Variants in SLC22A23 observed in about 807,000 individuals in gnomAD.
SLC22A23 encodes solute carrier family 22 member 23.
Under a neutral mutation model 61.0 loss-of-function variants are expected in SLC22A23, and 26 were observed. The observed-to-expected ratio is 0.43, with a 90% CI of 0.31 to 0.59. The LOEUF is 0.59. Ranked by LOEUF, SLC22A23 falls within the 20% of genes least tolerant of loss-of-function variation. The pLI is 0.11. For synonymous variants in SLC22A23, 430 were observed against 413.9 expected (o/e 1.04, Z -0.47); for missense variants, 796 against 934.7 (o/e 0.85, Z 1.94).
At position 3,328,724 on chromosome 6, in the gene SLC22A23, C is replaced by A. The variant is rs935283027; in HGVS notation, c.914-4722G>T. On this transcript the variant is annotated intron_variant, in intron 3 of 9. Coordinates refer to ENST00000406686, the MANE Select transcript of SLC22A23 (RefSeq NM_015482.2). This position sits in a 1 kb window ranked among gnomAD's most constrained non-coding sequence, Gnocchi z 5.0. The stretch of plus-strand genomic sequence containing the variant: ...CCTCCCGCTGGCCCCTCATGGATGT[C>A]AGCCTGGCCACCCCTCACAGTCGTG... 3.3e-5 allele frequency among the ~76,000 whole-genome samples: 5 copies of A among 152,182 alleles called. No homozygotes were observed. The highest frequency in any genetic ancestry group is 1.2e-4 in the African/African-American group (5 of 41,440).
rs113899472 is a variant in SLC22A23 at position 3,304,563 on chromosome 6, A to T, written c.1083-6345T>A. On this transcript the variant is annotated intron_variant, in intron 4 of 9. Transcript: ENST00000406686. This position sits in a 1 kb window ranked among gnomAD's most constrained non-coding sequence, Gnocchi z 4.3. ...TACTGAGCATTGTCACTACAAATCC[A>T]TCTGAAATGGATTTGTCACTACTCA... Among the ~76,000 whole-genome samples the T allele has an allele frequency of 1.3e-5, 2 of 152,156 alleles. No individual in the cohort carries two copies. The highest frequency in any genetic ancestry group is 2.9e-5 in the Non-Finnish European group (2 of 68,010).
chr6:3,341,979 C>CTAT (rs1287944584), intron 3 of SLC22A23, among the ~76,000 whole-genome samples: 1 of 152,190 alleles, frequency 6.6e-6, no homozygotes, highest in East Asian at 1.9e-4. Flanking sequence ...TATTTCGATT[C>CTAT]ATGGATAGAG....
At chr6:3,441,619 C>T (rs903890857) in intron 1 of SLC22A23, among the ~76,000 whole-genome samples, 2 of 152,210 alleles carry the variant, frequency 1.3e-5, no homozygotes, top group Non-Finnish European at 2.9e-5. Flanking sequence ...ACGGAAGCGA[C>T]TCCTCTGCGC....
intron 1 of SLC22A23, among the ~76,000 whole-genome samples, chr6:3,453,657 A>G (rs1772257326): frequency 6.6e-6 from 1 of 152,196 alleles, no homozygotes; most frequent in Non-Finnish European, 1.5e-5. Context: ...TAGGGCACAC[A>G]CACGCTAAAG....
In SLC22A23 at chr6:3,402,416, C is replaced by CAACCCCAATCACCAACACTACCCA. The variant is rs1286049655; in HGVS notation, c.913+7771_913+7772insTGGGTAGTGTTGGTGATTGGGGTT. 3.7e-3 allele frequency among the ~76,000 whole-genome samples: 542 copies of CAACCCCAATCACCAACACTACCCA among 146,308 alleles called. 8 individuals carry two copies. Among genetic ancestry groups the CAACCCCAATCACCAACACTACCCA allele is most frequent in the Non-Finnish European group, 5.1e-3 (340 of 66,498 alleles). ...GCTTTGTTATTCATAATTTAGATTC[C>CAACCCCAATCACCAACACTACCCA]GACCCCAATCACCAACACTACCCAG... On this transcript the variant is annotated intron_variant, in intron 3 of 9. Transcript: ENST00000406686.
rs780896717 is a variant in SLC22A23 at position 3,287,097 on chromosome 6, G to A, written c.1314-6C>T. ...GGATCCCGTACCCCGTCAGCCTGTG[G>A]AGACATACCGAGCGGCAGTGGGTGG... On this transcript the variant is annotated splice_polypyrimidine_tract_variant and splice_region_variant and intron_variant, in intron 6 of 9. Transcript: ENST00000406686. 2 of 1,613,392 alleles carry A rather than the reference G, an allele frequency of 1.2e-6. No homozygotes were observed. The highest frequency in any genetic ancestry group is 2.2e-5 in the South Asian group (2 of 90,910).
chr6:3,381,153 G>A (rs968959103), intron 3 of SLC22A23, among the ~76,000 whole-genome samples: 8 of 152,108 alleles, frequency 5.3e-5, no homozygotes, highest in Non-Finnish European at 1.0e-4. Flanking sequence ...ATCAGAGCCC[G>A]AGAACCATCA....
intron 3 of SLC22A23, among the ~76,000 whole-genome samples, chr6:3,378,221 C>T (rs945355862): frequency 6.6e-6 from 1 of 152,176 alleles, no homozygotes; most frequent in African/African-American, 2.4e-5. Context: ...GTCGTTTTCC[C>T]TCCTAGCTGG....
intron 3 of SLC22A23, among the ~76,000 whole-genome samples, chr6:3,391,964 G>A (rs759728513): frequency 2.6e-5 from 4 of 152,090 alleles, no homozygotes; most frequent in Non-Finnish European, 1.5e-5. Context: ...CACAGTGCAA[G>A]ATCAAAGGGC....
chr6:3,289,814 C>T lies in SLC22A23; in HGVS notation c.1263G>A (p.Val421=). The change falls in exon 6 of 10, where the codon GTG becomes GTA. Residue 421 remains valine, a synonymous_variant. Coordinates refer to ENST00000406686, the MANE Select transcript of SLC22A23 (RefSeq NM_015482.2). ...TCTTCCACAGGTTCCGTGTCCCCAC[C>T]ACCTTCACGATGCAGACCTTCTTGG... ...RRPKKVCIVK[V]VGTRNLWKNI... The T allele has an allele frequency of 6.2e-7, 1 of 1,614,004 alleles. No homozygotes were observed. Among genetic ancestry groups the T allele is most frequent in the East Asian group, 2.2e-5 (1 of 44,868 alleles).
chr6:3,310,543 G>T (rs1211844384), intron 4 of SLC22A23, among the ~76,000 whole-genome samples: 1 of 152,218 alleles, frequency 6.6e-6, no homozygotes, highest in Non-Finnish European at 1.5e-5. Context: ...CTGGAGTGGG[G>T]ATTTGGCTAA....
At chr6:3,310,419 G>A (rs1762307377) in intron 4 of SLC22A23, among the ~76,000 whole-genome samples, 1 of 150,916 alleles carries the variant, frequency 6.6e-6, no homozygotes. Context: ...CAAGCACCCT[G>A]TCTCCCACTC....
rs1325689052 is a variant in SLC22A23, at chr6:3,330,821, T to C, written c.914-6819A>G. Reference sequence around the variant, plus strand: ...AATCTGAAAGAGTAGTTTTCTCCATTTAGAGAAAGGGAAAATTTTAAAAAA... The same window carrying C: ...AATCTGAAAGAGTAGTTTTCTCCATCTAGAGAAAGGGAAAATTTTAAAAAA... On this transcript the variant is annotated intron_variant, in intron 3 of 9. Coordinates refer to ENST00000406686, the MANE Select transcript of SLC22A23 (RefSeq NM_015482.2). This position sits in a 1 kb window ranked among gnomAD's most constrained non-coding sequence, Gnocchi z 4.7. 2.0e-5 allele frequency among the ~76,000 whole-genome samples: 3 copies of C among 152,160 alleles called. No homozygotes were observed. Among genetic ancestry groups the C allele is most frequent in the African/African-American group, 7.2e-5 (3 of 41,434 alleles).
chr6:3,299,998 C>CCTTTTTTT (rs1761465869), intron 4 of SLC22A23, among the ~76,000 whole-genome samples: 1 of 78,802 alleles, frequency 1.3e-5, no homozygotes, highest in African/African-American at 4.4e-5. Context: ...TCAGGATAGA[C>CCTTTTTTT]TTTTTTTTTT....
At position 3,406,883 on chromosome 6, in the gene SLC22A23, G is replaced by A. The variant is rs565047869; in HGVS notation, c.913+3305C>T. ...CCAAAGCAGAAAAAAAAAACCTTCAGCAGCCTTGCAAATAAAGCAGAAAAC... is the reference window on the plus strand; with the variant it reads ...CCAAAGCAGAAAAAAAAAACCTTCAACAGCCTTGCAAATAAAGCAGAAAAC... On this transcript the variant is annotated intron_variant, in intron 3 of 9. Transcript: ENST00000406686. Among the ~76,000 whole-genome samples the A allele has an allele frequency of 3.3e-5, 5 of 152,112 alleles. No homozygotes were observed. In the East Asian group the frequency reaches 9.7e-4, roughly 29 times the overall value.
intron 7 of SLC22A23, among the ~76,000 whole-genome samples, chr6:3,285,347 TGAG>T (rs746586669): frequency 6.6e-6 from 1 of 152,242 alleles, no homozygotes; most frequent in African/African-American, 2.4e-5. Context: ...CCTCAGAGCC[TGAG>T]GAGAAAATGG....
chr6:3,392,594 G>T (rs556305462), intron 3 of SLC22A23, among the ~76,000 whole-genome samples: 1 of 152,190 alleles, frequency 6.6e-6, no homozygotes, highest in South Asian at 2.1e-4. Flanking sequence ...TTTGCCTCAG[G>T]GGGTGGCAGT....
At chr6:3,421,255 G>A (rs1770113759) in intron 1 of SLC22A23, among the ~76,000 whole-genome samples, 1 of 152,138 alleles carries the variant, frequency 6.6e-6, no homozygotes, top group Non-Finnish European at 1.5e-5. Context: ...AGACAATTTG[G>A]CAATATGCAG....
Position 3,283,888 on chromosome 6 carries a change from A to T in SLC22A23, c.1667T>A (p.Val556Glu), listed in dbSNP as rs749027862. Residue 556 changes from valine (V) to glutamate (E), a missense_variant, in exon 9 of 10, where the codon GTG (valine) becomes GAG (glutamate). By Grantham distance (121) the Val-to-Glu change is moderately radical. Transcript: ENST00000406686. ...FASHAVGSLS[V>E]FFCAEITPTV... Reference sequence around the variant, plus strand: ...CGGGGTGATCTCCGCACAGAAGAACACGCTGAGGCTCCCCACCGCATGGGA... The same window carrying T: ...CGGGGTGATCTCCGCACAGAAGAACTCGCTGAGGCTCCCCACCGCATGGGA... 6.2e-7 allele frequency: 1 copy of T among 1,613,152 alleles called. No individual in the cohort carries two copies. Among genetic ancestry groups the T allele is most frequent in the Non-Finnish European group, 8.5e-7 (1 of 1,179,254 alleles).
Sources: gnomAD v4.1 joint callset for allele counts (sites outside exome capture counted in the v4.1 genomes callset) on GRCh38, gnomAD v4.1.1 for gene constraint, Gnocchi (gnomAD v3.1) non-coding constraint, MANE v1.5 for transcripts, NCBI Gene and HGNC (gene_info 2026-07-23, HGNC 2026-07-21) for gene names.